CDKAL1: variants seen among roughly 807,000 people sequenced by gnomAD.
The protein encoded by CDKAL1 is threonylcarbamoyladenosine tRNA methylthiotransferase.
Under a neutral mutation model 68.2 loss-of-function variants are expected in CDKAL1, and 32 were observed. The ratio of observed to expected loss-of-function variants is 0.47; its 90% confidence interval spans 0.35 to 0.63. The LOEUF (loss-of-function observed/expected upper bound fraction) is 0.63, where lower values mean the gene tolerates loss of function less well. Among genes scored for constraint, CDKAL1 ranks in the 30% least tolerant of loss-of-function variants. CDKAL1 has a pLI of 0.00. For synonymous variants in CDKAL1, 234 were observed against 244.3 expected (o/e 0.96, Z 0.39); for missense variants, 606 against 696.7 (o/e 0.87, Z 1.47).
At chr6:20,546,919 T>G (rs945287365) in intron 3 of CDKAL1, among the ~76,000 whole-genome samples, 4 of 152,220 alleles carry the variant, frequency 2.6e-5, no homozygotes. Context: ...ATATATAATG[T>G]CTCTTCATTA....
intron 8 of CDKAL1, among the ~76,000 whole-genome samples, chr6:20,789,031 G>A (rs1439763127): frequency 4.6e-5 from 7 of 152,150 alleles, no homozygotes; most frequent in Non-Finnish European, 8.8e-5. Flanking sequence ...AATATAGTTC[G>A]AATTGCTTCT....
At position 21,091,362 on chromosome 6, in the gene CDKAL1, T is replaced by A. The variant is rs1290216845; in HGVS notation, c.1237-17039T>A. ...AGTGGGGAAAAACCAAAACCCAAGT[T>A]ATGAACAAACTTGATATATACCAGA... On this transcript the variant is annotated intron_variant, in intron 12 of 15. Transcript: ENST00000274695. 1.3e-5 allele frequency among the ~76,000 whole-genome samples: 2 copies of A among 152,138 alleles called. 1 individual carries two copies. Among genetic ancestry groups the A allele is most frequent in the African/African-American group, 4.8e-5 (2 of 41,434 alleles).
chr6:20,765,083 C>G (rs1362071340), intron 7 of CDKAL1, among the ~76,000 whole-genome samples: 1 of 151,240 alleles, frequency 6.6e-6, no homozygotes, highest in Non-Finnish European at 1.5e-5. Context: ...GTAAAGTTAA[C>G]TTTACTATTT....
At chr6:20,807,037 A>G (rs1406466900) in intron 8 of CDKAL1, among the ~76,000 whole-genome samples, 1 of 152,120 alleles carries the variant, frequency 6.6e-6, no homozygotes, top group African/African-American at 2.4e-5. Context: ...TGCTGAACTG[A>G]AGTGTCATTG....
intron 10 of CDKAL1, among the ~76,000 whole-genome samples, chr6:20,987,575 T>C (rs368392412): frequency 1.6e-4 from 24 of 152,246 alleles, no homozygotes; most frequent in African/African-American, 5.8e-4. Context: ...TTTTTATCTT[T>C]AAAAATTGAA....
chr6:21,190,614 G>C (rs1004067408), intron 13 of CDKAL1, among the ~76,000 whole-genome samples: 1 of 152,186 alleles, frequency 6.6e-6, no homozygotes, highest in Non-Finnish European at 1.5e-5. Context: ...TGATCCACCC[G>C]CCTCGGCCTC....
At chr6:21,215,400 C>A (rs1779305164) in intron 15 of CDKAL1, among the ~76,000 whole-genome samples, 1 of 152,168 alleles carries the variant, frequency 6.6e-6, no homozygotes, top group African/African-American at 2.4e-5. Context: ...CAAGAAGATA[C>A]AGATACAAGG....
chr6:21,066,845 C>T (rs1771471854), intron 12 of CDKAL1, among the ~76,000 whole-genome samples: 1 of 151,980 alleles, frequency 6.6e-6, no homozygotes, highest in African/African-American at 2.4e-5. Flanking sequence ...AGGTTGGTCT[C>T]GAACTCCTGG....
chr6:20,668,839 A>G (rs958110313), intron 5 of CDKAL1, among the ~76,000 whole-genome samples: 1 of 152,134 alleles, frequency 6.6e-6, no homozygotes, highest in Non-Finnish European at 1.5e-5. Flanking sequence ...CTTTTATGAC[A>G]TTGACGCTGT....
At chr6:20,863,219 T>C (rs1050558070) in intron 9 of CDKAL1, among the ~76,000 whole-genome samples, 1 of 152,170 alleles carries the variant, frequency 6.6e-6, no homozygotes, top group Non-Finnish European at 1.5e-5. Flanking sequence ...AAATGGACTG[T>C]AGGATGACAT....
At chr6:20,659,137 C>A (rs966174524) in intron 5 of CDKAL1, among the ~76,000 whole-genome samples, 77 of 151,782 alleles carry the variant, frequency 5.1e-4, no homozygotes, top group African/African-American at 1.8e-3. Flanking sequence ...GCCTGACTTC[C>A]AAAATTAATT....
rs553267145 is a variant in CDKAL1 at position 21,044,019 on chromosome 6, A to G, written c.1056-21029A>G. On this transcript the variant is annotated intron_variant, in intron 11 of 15. Coordinates refer to ENST00000274695, the MANE Select transcript of CDKAL1 (RefSeq NM_017774.3). ...TAGATTGAAGTGGAATATAAATTCT[A>G]TTGATGTCACACTTTGTTTCAGTTA... Among the ~76,000 whole-genome samples, 4 of 152,344 alleles carry G rather than the reference A, an allele frequency of 2.6e-5. No homozygotes were observed. In the South Asian group the frequency reaches 6.2e-4, roughly 24 times the overall value.
intron 7 of CDKAL1, among the ~76,000 whole-genome samples, chr6:20,767,490 G>T (rs1774751828): frequency 6.6e-6 from 1 of 151,862 alleles, no homozygotes; most frequent in African/African-American, 2.4e-5. Context: ...AGATTTTATT[G>T]TTATGGAAAT....
chr6:20,949,217 T>C (rs549021198), intron 9 of CDKAL1, among the ~76,000 whole-genome samples: 13 of 152,330 alleles, frequency 8.5e-5, no homozygotes, highest in African/African-American at 2.9e-4. Flanking sequence ...TTGCATTCAG[T>C]TGCTTTGCTG....
At chr6:20,678,572 A>G (rs552601469) in intron 5 of CDKAL1, among the ~76,000 whole-genome samples, 5 of 152,266 alleles carry the variant, frequency 3.3e-5, no homozygotes, top group South Asian at 4.1e-4. Flanking sequence ...ATGAATTACT[A>G]TATGTTGTAG....
intron 12 of CDKAL1, among the ~76,000 whole-genome samples, chr6:21,101,268 T>C (rs1023136788): frequency 6.6e-6 from 1 of 152,208 alleles, no homozygotes; most frequent in Non-Finnish European, 1.5e-5. Context: ...GTGTTTCTCA[T>C]CTTTGGCCAC....
rs1405475998 is a variant in CDKAL1 at position 20,587,771 on chromosome 6, C to G, written c.286+39066C>G. Among the ~76,000 whole-genome samples the G allele has an allele frequency of 2.0e-5, 3 of 148,036 alleles. No individual in the cohort carries two copies. The Admixed American group carries it at 2.0e-4, about 10-fold the overall frequency. ...AAACAAACCGCCCCCCTCAAAAAAC[C>G]AACTCAATACACCAGAACCAAAAAC... On this transcript the variant is annotated intron_variant, in intron 4 of 15. Coordinates refer to ENST00000274695, the MANE Select transcript of CDKAL1 (RefSeq NM_017774.3).
At chr6:20,642,490 A>C (rs1298779091) in intron 4 of CDKAL1, among the ~76,000 whole-genome samples, 1 of 149,248 alleles carries the variant, frequency 6.7e-6, no homozygotes, top group East Asian at 1.9e-4. Flanking sequence ...AAAAAAAAAA[A>C]AAACACTGCG....
intron 9 of CDKAL1, among the ~76,000 whole-genome samples, chr6:20,869,120 A>G (rs1260805681): frequency 6.6e-6 from 1 of 152,180 alleles, no homozygotes; most frequent in African/African-American, 2.4e-5. Context: ...TCTGTTCAGT[A>G]TCTCATCTCA....
Sources: gnomAD v4.1 joint callset for allele counts (sites outside exome capture counted in the v4.1 genomes callset) on GRCh38, gnomAD v4.1.1 for gene constraint, MANE v1.5 for transcripts, NCBI Gene and HGNC (gene_info 2026-07-23, HGNC 2026-07-21) for gene names.